The following AKAP1 variants were observed in gnomAD, a reference collection of about 807,000 sequenced individuals.
AKAP1 encodes A-kinase anchoring protein 1.
AKAP1 carries 32 observed loss-of-function variants against 79.8 expected under a neutral mutation model. That is an observed-to-expected ratio of 0.40 (90% CI 0.30 to 0.54). The LOEUF is 0.54. AKAP1 is among the 20% of genes least tolerant of loss of function. The pLI, the probability that AKAP1 is intolerant of heterozygous loss-of-function variation, is 0.47. For missense variants in AKAP1, 961 were observed against 1,138.9 expected (o/e 0.84, Z 2.25); for synonymous variants, 416 against 466.7 (o/e 0.89, Z 1.40).
In AKAP1 at chr17:57,106,373, A is replaced by G. The variant is rs767393855; in HGVS notation, c.909A>G (p.Glu303=). The change falls in exon 2 of 11, where the codon GAA becomes GAG. Residue 303 remains glutamate (E), a synonymous_variant. Coordinates refer to ENST00000337714, the MANE Select transcript of AKAP1 (RefSeq NM_003488.4). ...CCCAGGATAGAGGTGTCGAGGGAGAACTGGGCAATGAGGAGAGCTTGGATA... is the reference window on the plus strand; with the variant it reads ...CCCAGGATAGAGGTGTCGAGGGAGAGCTGGGCAATGAGGAGAGCTTGGATA... ...AKAQDRGVEG[E]LGNEESLDRN... 3 of 1,613,978 alleles carry G rather than the reference A, an allele frequency of 1.9e-6. No homozygotes were observed. The highest frequency in any genetic ancestry group is 1.7e-6 in the Non-Finnish European group (2 of 1,179,994).
At chr17:57,115,886 G>A (rs1002060179) in intron 6 of AKAP1, among the ~76,000 whole-genome samples, 1 of 152,162 alleles carries the variant, frequency 6.6e-6, no homozygotes, top group Non-Finnish European at 1.5e-5. Flanking sequence ...ATGGCCTCGG[G>A]GGCGGCACAC....
At chr17:57,112,344 C>A in intron 4 of AKAP1, 147 bp from the exon 5 acceptor site, 1 of 921,804 alleles carries the variant, frequency 1.1e-6, no homozygotes, top group Non-Finnish European at 1.6e-6. Context: ...CTTCCTAAAG[C>A]AGAGCTTAAG....
intron 1 of AKAP1, chr17:57,095,374 G>T (rs142747411): frequency 1.3e-5 from 2 of 151,550 alleles, no homozygotes; most frequent in African/African-American, 2.4e-5. Flanking sequence ...TCACTATATT[G>T]CCCAGGCTGG....
intron 8 of AKAP1, among the ~76,000 whole-genome samples, chr17:57,117,229 G>A (rs1915641496): frequency 6.6e-6 from 1 of 152,194 alleles, no homozygotes; most frequent in Non-Finnish European, 1.5e-5. Flanking sequence ...CAGAGTCTTA[G>A]CCCCGGTGGT....
intron 1 of AKAP1, among the ~76,000 whole-genome samples, chr17:57,087,193 C>T (rs561280426): frequency 3.9e-5 from 6 of 152,330 alleles, no homozygotes; most frequent in African/African-American, 1.4e-4. Flanking sequence ...TGTCTTCATG[C>T]ATGTTGTCAG....
In AKAP1 at chr17:57,105,518, GCTC is replaced by G. The variant is rs778300127; in HGVS notation, c.58_60del (p.Leu20del). The stretch of plus-strand genomic sequence containing the variant: ...CCTTGGCATTGCCTGGGATGCTGGC[GCTC>G]CTCGGCTGGTGGTGGTTTTTCTCTC... On this transcript the variant is annotated inframe_deletion, in exon 2 of 11. Transcript: ENST00000337714. 14 of 1,613,954 alleles carry G rather than the reference GCTC, an allele frequency of 8.7e-6. No individual in the cohort carries two copies. In the African/African-American group the frequency reaches 1.7e-4, roughly 20 times the overall value.
chr17:57,116,485 A>G (rs528893502), intron 7 of AKAP1, among the ~76,000 whole-genome samples: 1 of 152,226 alleles, frequency 6.6e-6, no homozygotes, highest in Non-Finnish European at 1.5e-5. Flanking sequence ...TCATCCTTCA[A>G]AAGTGAAGCT....
At chr17:57,114,436 C>T in intron 5 of AKAP1, 23 bp from the exon 6 acceptor site, 1 of 1,610,590 alleles carries the variant, frequency 6.2e-7, no homozygotes, top group Non-Finnish European at 8.5e-7. Context: ...GTTTCAGTGA[C>T]CGCTCCCCCT....
chr17:57,111,874 A>G lies in AKAP1; in HGVS notation c.1925A>G (p.Tyr642Cys), dbSNP rs1457728717. The G allele has an allele frequency of 1.2e-6, 2 of 1,614,188 alleles. No individual in the cohort carries two copies. Among genetic ancestry groups the G allele is most frequent in the Non-Finnish European group, 8.5e-7 (1 of 1,180,038 alleles). Residue 642 changes from tyrosine to cysteine, a missense_variant, in exon 4 of 11, where the codon TAC (tyrosine) becomes TGC (cysteine). Coordinates refer to ENST00000337714, the MANE Select transcript of AKAP1 (RefSeq NM_003488.4). ...FLKQTSGAKI[Y>C]ISTLPYTQSV... ...AAGCAAACATCTGGTGCCAAGATCT[A>G]CATTTCAACCCTGCCTTACACCCAG...
At chr17:57,115,809 TC>T (rs1915543304) in intron 6 of AKAP1, among the ~76,000 whole-genome samples, 1 of 152,222 alleles carries the variant, frequency 6.6e-6, no homozygotes, top group Non-Finnish European at 1.5e-5. Flanking sequence ...TTCCTATTCA[TC>T]TGTGTCCCTC....
intron 1 of AKAP1, among the ~76,000 whole-genome samples, chr17:57,089,694 A>G (rs1399912255): frequency 6.6e-6 from 1 of 152,230 alleles, no homozygotes; most frequent in Non-Finnish European, 1.5e-5. Context: ...AGTCTTCCAG[A>G]GTCCATAAAC....
Position 57,116,259 on chromosome 17 carries a change from C to G in AKAP1, c.2430C>G (p.Ile810Met), listed in dbSNP as rs1915578590. The change falls in exon 7 of 11, where the codon ATC becomes ATG. Residue 810 changes from isoleucine (I) to methionine (M), a missense_variant and splice_region_variant. Physicochemically the swap from Ile to Met is conservative, Grantham distance 10 (BLOSUM62 1). Coordinates refer to ENST00000337714, the MANE Select transcript of AKAP1 (RefSeq NM_003488.4). ...TGAAAGTAGACGTGCTCCGGCAAAT[C>G]AGGTGAGCGGAGATGCCTCAGGCAG... ...KRVKVDVLRQ[I>M]RSDFVTLPFQ... is the part of the protein sequence containing the mutation. 1 of 1,613,976 alleles carries G rather than the reference C, an allele frequency of 6.2e-7. No individual in the cohort carries two copies. Among genetic ancestry groups the G allele is most frequent in the Admixed American group, 1.7e-5 (1 of 60,002 alleles).
In AKAP1 at chr17:57,114,366, C is replaced by G; in HGVS notation, c.2104-93C>G. On this transcript the variant is annotated intron_variant, in intron 5 of 10. Transcript: ENST00000337714. ...TTGAGTTGCCCTTTTCAAAGATATG[C>G]TAGCCCAGAGACTTGCCCTTGGGTC... 2.7e-6 allele frequency: 4 copies of G among 1,478,554 alleles called. No homozygotes were observed. In the South Asian group the frequency reaches 3.8e-5, roughly 14 times the overall value. 91.6% of individuals were successfully genotyped at this position (1,478,554 alleles called of 1,614,324 possible).
intron 5 of AKAP1, among the ~76,000 whole-genome samples, chr17:57,112,851 G>A (rs527675883): frequency 3.2e-5 from 4 of 124,016 alleles, no homozygotes; most frequent in Non-Finnish European, 5.0e-5. Flanking sequence ...CACATGGGAG[G>A]ACTACTTTTC....
In AKAP1 at chr17:57,106,947, A is replaced by G. The variant is rs777196143; in HGVS notation, c.1483A>G (p.Ser495Gly). 1.9e-5 allele frequency: 30 copies of G among 1,613,922 alleles called. No individual in the cohort carries two copies. Among genetic ancestry groups the G allele is most frequent in the Non-Finnish European group, 2.5e-5 (29 of 1,179,886 alleles). The change falls in exon 2 of 11, where the codon AGC becomes GGC. Residue 495 changes from serine to glycine, a missense_variant. This residue lies in a region of AKAP1 where 629 missense variants were observed against 781.1 expected (regional missense o/e 0.81). Transcript: ENST00000337714. Reference sequence around the variant, plus strand: ...CTGTGTCACCTGCATGTCAGACAGCAGCCAAAGTGTCCCTTTGGTGGCTTC... The same window carrying G: ...CTGTGTCACCTGCATGTCAGACAGCGGCCAAAGTGTCCCTTTGGTGGCTTC... Reference protein sequence around the residue: ...ATCVTCMSDSSQSVPLVASPG... With the variant: ...ATCVTCMSDSGQSVPLVASPG...
intron 5 of AKAP1, among the ~76,000 whole-genome samples, chr17:57,114,130 G>A (rs1027680601): frequency 2.6e-5 from 4 of 152,188 alleles, no homozygotes; most frequent in African/African-American, 9.7e-5. Context: ...CTGGTAGGTG[G>A]ACCCTGCCCA....
At chr17:57,118,107 G>A (rs1311047337) in intron 8 of AKAP1, among the ~76,000 whole-genome samples, 2 of 152,016 alleles carry the variant, frequency 1.3e-5, no homozygotes, top group African/African-American at 2.4e-5. Context: ...GCTGCTGGTG[G>A]TATTGGTGGT....
rs1393859098 is a variant in AKAP1, at chr17:57,111,934, A to G, written c.1975+10A>G. On this transcript the variant is annotated intron_variant, in intron 4 of 10. Coordinates refer to ENST00000337714, the MANE Select transcript of AKAP1 (RefSeq NM_003488.4). ...ATCTGCCACATAGAAGGTCAGTAAC[A>G]TCTGCTGCTTGTATTGCCTCTTACC... is the stretch of plus-strand genomic sequence containing the variant. 1.2e-6 allele frequency: 2 copies of G among 1,608,754 alleles called. No homozygotes were observed. The highest frequency in any genetic ancestry group is 4.5e-5 in the East Asian group (2 of 44,728).
intron 8 of AKAP1, among the ~76,000 whole-genome samples, chr17:57,117,566 C>A (rs1295553866): frequency 6.6e-6 from 1 of 152,192 alleles, no homozygotes; most frequent in African/African-American, 2.4e-5. Context: ...CCCTTCTGAT[C>A]TCCTTCTTGC....
Sources: gnomAD v4.1 joint callset for allele counts (sites outside exome capture counted in the v4.1 genomes callset) on GRCh38, gnomAD v4.1.1 for gene constraint, gnomAD v4.1.1 regional missense constraint, MANE v1.5 for transcripts, NCBI Gene and HGNC (gene_info 2026-07-23, HGNC 2026-07-21) for gene names.